The following PTPRG variants were observed in gnomAD, a reference collection of about 807,000 sequenced individuals.
The protein encoded by PTPRG is receptor-type tyrosine-protein phosphatase gamma.
Under a neutral mutation model 165.3 loss-of-function variants are expected in PTPRG, and 102 were observed. That is an observed-to-expected ratio of 0.62 (90% CI 0.53 to 0.73). The LOEUF (loss-of-function observed/expected upper bound fraction) is 0.73, where lower values mean the gene tolerates loss of function less well. PTPRG is among the 30% of genes least tolerant of loss of function. The probability of loss-of-function intolerance (pLI) is 0.00; values close to 1 mark genes in which losing one functional copy is unlikely to be tolerated. For missense variants in PTPRG, 1,866 were observed against 1,861.4 expected (o/e 1.00, Z -0.05); for synonymous variants, 675 against 669.5 (o/e 1.01, Z -0.13).
chr3:61,977,021 T>C (rs563913572), intron 2 of PTPRG, among the ~76,000 whole-genome samples: 1 of 152,260 alleles, frequency 6.6e-6, no homozygotes, highest in African/African-American at 2.4e-5. Flanking sequence ...GCATTGTTTC[T>C]CAACCTTGTT....
intron 1 of PTPRG, among the ~76,000 whole-genome samples, chr3:61,610,258 G>T (rs1701129860): frequency 6.6e-6 from 1 of 151,990 alleles, no homozygotes; most frequent in African/African-American, 2.4e-5. Context: ...GCCTGGCGCA[G>T]TCTAAGTGCT....
At chr3:61,704,411 C>A (rs565946051) in intron 1 of PTPRG, among the ~76,000 whole-genome samples, 1 of 152,128 alleles carries the variant, frequency 6.6e-6, no homozygotes. Flanking sequence ...AGGATTACAT[C>A]AAGGATTCTT....
chr3:61,965,343 C>G (rs773839627), intron 2 of PTPRG, among the ~76,000 whole-genome samples: 8 of 151,824 alleles, frequency 5.3e-5, no homozygotes, highest in Non-Finnish European at 7.4e-5. Context: ...CAAAAATTAG[C>G]TGGACGTGCT....
At chr3:61,872,488 A>C (rs1045073963) in intron 2 of PTPRG, among the ~76,000 whole-genome samples, 4 of 152,184 alleles carry the variant, frequency 2.6e-5, no homozygotes, top group African/African-American at 9.6e-5. Context: ...CCGAACTCCA[A>C]ATTCCCCATC....
rs902180923 is a variant in PTPRG, at chr3:61,931,947, A to G, written c.191-57678A>G. Among the ~76,000 whole-genome samples the G allele has an allele frequency of 1.1e-4, 16 of 152,180 alleles. No individual in the cohort carries two copies. In the South Asian group the frequency reaches 1.2e-3, roughly 12 times the overall value. ...CTTCTGGTTGAAACATTGCTCTTCT[A>G]TGTTGTCTTCCTTTCTTAGGAATGG... On this transcript the variant is annotated intron_variant, in intron 2 of 29. Transcript: ENST00000474889.
intron 28 of PTPRG, among the ~76,000 whole-genome samples, chr3:62,287,067 C>G (rs1702691482): frequency 6.6e-6 from 1 of 152,032 alleles, no homozygotes. Flanking sequence ...AAAGGCAACC[C>G]ATGGAAAGGT....
In PTPRG at chr3:62,178,760, G is replaced by A. The variant is rs73840233; in HGVS notation, c.1033+10597G>A. Among the ~76,000 whole-genome samples, 398 of 152,254 alleles carry A rather than the reference G, an allele frequency of 2.6e-3. 1 individual carries two copies. The highest frequency in any genetic ancestry group is 9.3e-3 in the African/African-American group (385 of 41,546). ...ATTACTTAATCCTCTCCATCTCTAG[G>A]CAGGTAGACAGAGTTTGATCTTCAA... On this transcript the variant is annotated intron_variant, in intron 8 of 29. Coordinates refer to ENST00000474889, the MANE Select transcript of PTPRG (RefSeq NM_002841.4).
chr3:61,840,601 CT>C (rs1282183278), intron 2 of PTPRG, among the ~76,000 whole-genome samples: 6 of 151,958 alleles, frequency 3.9e-5, no homozygotes, highest in Admixed American at 6.6e-5. Context: ...AATAAATATT[CT>C]TTTATCAAAG....
At chr3:61,679,323 C>T (rs1703346957) in intron 1 of PTPRG, among the ~76,000 whole-genome samples, 1 of 152,132 alleles carries the variant, frequency 6.6e-6, no homozygotes. Context: ...AGAATGCATG[C>T]TAGGGTTTTG....
rs145050278 is a variant in PTPRG, at chr3:61,940,473, ATTTTTTT to A, written c.191-49150_191-49144del. On this transcript the variant is annotated intron_variant, in intron 2 of 29. Coordinates refer to ENST00000474889, the MANE Select transcript of PTPRG (RefSeq NM_002841.4). ...AGGATACTCTGAAGGAAGTGCCAAGATTTTTTTTCTCCTTCACTGATTCCTCCTTTCT... is the reference window on the plus strand; with the variant it reads ...AGGATACTCTGAAGGAAGTGCCAAGATCTCCTTCACTGATTCCTCCTTTCT... Among the ~76,000 whole-genome samples, 13 of 151,822 alleles carry A rather than the reference ATTTTTTT, an allele frequency of 8.6e-5. No homozygotes were observed. In the East Asian group the frequency reaches 1.9e-3, roughly 23 times the overall value.
rs1198188897 is a variant in PTPRG at position 62,219,437 on chromosome 3, A to G, written c.2288+454A>G. On this transcript the variant is annotated intron_variant, in intron 13 of 29. Transcript: ENST00000474889. The surrounding 1 kb of genome is among the most constrained non-coding windows in gnomAD (Gnocchi z 4.5). ...TTCATAGTCTTTCACTGAAAATTAA[A>G]TTGGGTGATAGGAAAACATTTAGCA... Among the ~76,000 whole-genome samples, 2 of 152,234 alleles carry G rather than the reference A, an allele frequency of 1.3e-5. No individual in the cohort carries two copies. Among genetic ancestry groups the G allele is most frequent in the Non-Finnish European group, 2.9e-5 (2 of 68,038 alleles).
chr3:61,826,490 C>G (rs1444993185), intron 2 of PTPRG, among the ~76,000 whole-genome samples: 1 of 151,692 alleles, frequency 6.6e-6, no homozygotes, highest in Non-Finnish European at 1.5e-5. Context: ...TTGGAGTCAC[C>G]CAGTCCTTTC....
At chr3:61,704,712 G>A (rs2031160285) in intron 1 of PTPRG, among the ~76,000 whole-genome samples, 1 of 152,108 alleles carries the variant, frequency 6.6e-6, no homozygotes, top group South Asian at 2.1e-4. Flanking sequence ...CCTGCCTAGT[G>A]CCCCACTGAT....
At chr3:61,880,385 C>T (rs990065264) in intron 2 of PTPRG, among the ~76,000 whole-genome samples, 5 of 152,118 alleles carry the variant, frequency 3.3e-5, no homozygotes, top group Admixed American at 6.5e-5. Context: ...TTCGGGAGAC[C>T]AAGGCAAGTG....
intron 2 of PTPRG, among the ~76,000 whole-genome samples, chr3:61,859,602 T>C (rs2037203920): frequency 7.1e-6 from 1 of 140,642 alleles, no homozygotes; most frequent in South Asian, 2.5e-4. Flanking sequence ...CTTGGTTTGA[T>C]AGTCCATAGT....
intron 5 of PTPRG, among the ~76,000 whole-genome samples, chr3:62,102,694 C>G (rs905279570): frequency 1.3e-5 from 2 of 152,086 alleles, no homozygotes; most frequent in Non-Finnish European, 2.9e-5. Flanking sequence ...ATCATCACTA[C>G]TCTCTGCCGG....
chr3:62,015,721 G>C (rs1216604619), intron 4 of PTPRG, among the ~76,000 whole-genome samples: 1 of 152,126 alleles, frequency 6.6e-6, no homozygotes, highest in Non-Finnish European at 1.5e-5. Context: ...AGCCAGGCTA[G>C]GAGATAATTG....
intron 2 of PTPRG, among the ~76,000 whole-genome samples, chr3:61,866,087 C>G (rs1321280259): frequency 6.6e-6 from 1 of 152,108 alleles, no homozygotes; most frequent in African/African-American, 2.4e-5. Context: ...ATAATTGAAC[C>G]AGGGAACTCC....
intron 6 of PTPRG, among the ~76,000 whole-genome samples, chr3:62,150,913 T>C (rs1473112682): frequency 6.6e-6 from 1 of 152,240 alleles, no homozygotes; most frequent in East Asian, 1.9e-4. Context: ...TCCTGATTAC[T>C]GCACAGGTCT....
Sources: allele counts gnomAD v4.1 joint callset (sites outside exome capture counted in the v4.1 genomes callset), GRCh38; gene constraint gnomAD v4.1.1; non-coding constraint Gnocchi (gnomAD v3.1); transcripts MANE v1.5; gene names NCBI Gene and HGNC (gene_info 2026-07-23, HGNC 2026-07-21).